The following EPHA6 variants were observed in gnomAD, a reference collection of about 807,000 sequenced individuals.
The protein encoded by EPHA6 is ephrin type-A receptor 6.
A neutral mutation model predicts 112.0 loss-of-function variants in EPHA6; 50 were observed. That is an observed-to-expected ratio of 0.45 (90% CI 0.36 to 0.56). The LOEUF (loss-of-function observed/expected upper bound fraction) is 0.56. Ranked by LOEUF, EPHA6 falls within the 20% of genes least tolerant of loss-of-function variation. The pLI, the probability that EPHA6 is intolerant of heterozygous loss-of-function variation, is 0.00. For synonymous variants in EPHA6, 529 were observed against 490.7 expected (o/e 1.08, Z -1.03); for missense variants, 1,280 against 1,417.4 (o/e 0.90, Z 1.56).
chr3:97,317,137 A>G (rs928637065), intron 5 of EPHA6, among the ~76,000 whole-genome samples: 7 of 151,840 alleles, frequency 4.6e-5, no homozygotes, highest in African/African-American at 1.2e-4. Flanking sequence ...TGGAAGAGAA[A>G]AAAAAAAAGA....
chr3:96,960,774 T>G (rs1043035910), intron 2 of EPHA6, among the ~76,000 whole-genome samples: 3 of 152,208 alleles, frequency 2.0e-5, no homozygotes, highest in Non-Finnish European at 2.9e-5. Context: ...TATTCTAGGT[T>G]GTTATTTTAT....
chr3:97,244,160 C>G lies in EPHA6; in HGVS notation c.1479C>G (p.Ser493=). 1 of 1,612,940 alleles carries G rather than the reference C, an allele frequency of 6.2e-7. No homozygotes were observed. The highest frequency in any genetic ancestry group is 8.5e-7 in the Non-Finnish European group (1 of 1,179,346). ...GACATACAGGCCTGATCAACAATTC[C>G]GTGATAGTACTTGACTTTGTGTCTC... ...IPRHTGLINN[S]VIVLDFVSHV... is the part of the protein sequence containing the mutation. Residue 493 remains serine (S), a synonymous_variant, in exon 5 of 18, where the codon TCC becomes TCG. Transcript: ENST00000389672.
At chr3:97,540,573 A>G (rs928425982) in intron 11 of EPHA6, among the ~76,000 whole-genome samples, 3 of 152,164 alleles carry the variant, frequency 2.0e-5, no homozygotes, top group African/African-American at 7.2e-5. Flanking sequence ...CCCTAGAATT[A>G]CCTCTAACCT....
intron 16 of EPHA6, among the ~76,000 whole-genome samples, chr3:97,743,339 A>G (rs2035586054): frequency 6.6e-6 from 1 of 152,102 alleles, no homozygotes; most frequent in Non-Finnish European, 1.5e-5. Context: ...GAGTGCCTAC[A>G]CAAAAACAGA....
chr3:97,482,160 G>A (rs2091571372), intron 9 of EPHA6, among the ~76,000 whole-genome samples: 2 of 152,238 alleles, frequency 1.3e-5, no homozygotes, highest in South Asian at 4.1e-4. Flanking sequence ...GATATTTACT[G>A]ATCTTATTCT....
chr3:97,186,674 G>A (rs1460479511), intron 3 of EPHA6, among the ~76,000 whole-genome samples: 12 of 152,096 alleles, frequency 7.9e-5, no homozygotes, highest in African/African-American at 2.7e-4. Context: ...GAGACAAAAA[G>A]CAGTTGGTTC....
At chr3:97,578,174 A>C (rs2107267242) in intron 11 of EPHA6, among the ~76,000 whole-genome samples, 1 of 152,272 alleles carries the variant, frequency 6.6e-6, no homozygotes, top group South Asian at 2.1e-4. Context: ...GTGACAGAAA[A>C]CCCCAAATAA....
intron 3 of EPHA6, among the ~76,000 whole-genome samples, chr3:97,023,786 T>C (rs1006155621): frequency 3.9e-5 from 6 of 152,180 alleles, no homozygotes. Context: ...AAAATTCAAT[T>C]ATGCATAAAG....
chr3:97,663,958 A>T (rs1235250899), intron 14 of EPHA6, among the ~76,000 whole-genome samples: 1 of 152,156 alleles, frequency 6.6e-6, no homozygotes, highest in Non-Finnish European at 1.5e-5. Context: ...GCAACAGTGT[A>T]AAAGTGTTCC....
chr3:97,060,484 T>G, intron 3 of EPHA6, among the ~76,000 whole-genome samples: 1 of 152,184 alleles, frequency 6.6e-6, no homozygotes, highest in East Asian at 1.9e-4. Context: ...GAAACACTAC[T>G]TTGTGGCTGA....
intron 3 of EPHA6, among the ~76,000 whole-genome samples, chr3:97,049,221 A>C (rs971373568): frequency 6.6e-6 from 1 of 152,202 alleles, no homozygotes; most frequent in Admixed American, 6.5e-5. Flanking sequence ...AAATTTGATC[A>C]GATAAGTGTT....
intron 6 of EPHA6, among the ~76,000 whole-genome samples, chr3:97,435,106 C>G (rs1560003988): frequency 6.6e-6 from 1 of 151,946 alleles, no homozygotes; most frequent in Non-Finnish European, 1.5e-5. Context: ...CTTGGTTGGT[C>G]AAATCAGTCA....
intron 14 of EPHA6, among the ~76,000 whole-genome samples, chr3:97,662,078 G>A (rs1321698182): frequency 6.6e-6 from 1 of 151,998 alleles, no homozygotes; most frequent in African/African-American, 2.4e-5. Context: ...ACCCTTTGTA[G>A]CTCAAATAAG....
At chr3:96,858,422 A>G (rs1321290663) in intron 1 of EPHA6, among the ~76,000 whole-genome samples, 1 of 152,128 alleles carries the variant, frequency 6.6e-6, no homozygotes, top group Non-Finnish European at 1.5e-5. Context: ...AAAAGATGTA[A>G]TCTAAACAGT....
intron 3 of EPHA6, among the ~76,000 whole-genome samples, chr3:97,164,711 G>C (rs2076499122): frequency 6.6e-6 from 1 of 151,840 alleles, no homozygotes; most frequent in Non-Finnish European, 1.5e-5. Context: ...TGATATTTTG[G>C]GAGACAGTCT....
At chr3:97,392,067 G>A (rs1328569317) in intron 5 of EPHA6, among the ~76,000 whole-genome samples, 1 of 151,770 alleles carries the variant, frequency 6.6e-6, no homozygotes, top group African/African-American at 2.4e-5. Flanking sequence ...GCAATTTTGT[G>A]TCTTCACGTA....
intron 7 of EPHA6, chr3:97,466,148 A>G (rs970291502): frequency 4.1e-5 from 24 of 581,862 alleles, no homozygotes; most frequent in African/African-American, 3.5e-4. Context: ...AGGTTGTTTT[A>G]GAAAGGTAAG....
intron 3 of EPHA6, among the ~76,000 whole-genome samples, chr3:97,161,608 T>C (rs1196674921): frequency 1.3e-5 from 2 of 152,190 alleles, no homozygotes; most frequent in African/African-American, 4.8e-5. Context: ...CAAGGCGCTG[T>C]GCCTTTTTTT....
intron 11 of EPHA6, among the ~76,000 whole-genome samples, chr3:97,567,520 T>C (rs939095897): frequency 3.9e-5 from 6 of 152,196 alleles, no homozygotes; most frequent in Non-Finnish European, 8.8e-5. Flanking sequence ...CCAAAAGTTA[T>C]GTTGATGTCC....
Sources: gnomAD v4.1 joint callset for allele counts (sites outside exome capture counted in the v4.1 genomes callset) on GRCh38, gnomAD v4.1.1 for gene constraint, MANE v1.5 for transcripts, NCBI Gene and HGNC (gene_info 2026-07-23, HGNC 2026-07-21) for gene names.